The following PECAM1 variants were observed in gnomAD, a reference collection of about 807,000 sequenced individuals.
PECAM1 encodes platelet endothelial cell adhesion molecule.
PECAM1 carries 8 observed loss-of-function variants against 13.8 expected under a neutral mutation model. The observed-to-expected ratio is 0.58, with a 90% CI of 0.34 to 1.05. The LOEUF is 1.05. Ranked by LOEUF, PECAM1 falls within the 50% of genes least tolerant of loss-of-function variation. The pLI is 0.03. For missense variants in PECAM1, 304 were observed against 141.2 expected (o/e 2.15, Z -5.84); for synonymous variants, 136 against 52.6 (o/e 2.58, Z -6.86).
At chr17:64,353,647 T>G (rs1203972094) in intron 9 of PECAM1, 129 bp from the exon 10 acceptor site, 1 of 406,420 alleles carries the variant, frequency 2.5e-6, no homozygotes, top group Non-Finnish European at 4.5e-6. Flanking sequence ...TTCTTTTTGT[T>G]TTACTCCTAG....
intron 12 of PECAM1, 85 bp from the exon 13 acceptor site, chr17:64,348,407 C>CTTTTTTTTTT (rs869282884): frequency 3.6e-6 from 1 of 275,872 alleles, no homozygotes; most frequent in African/African-American, 2.7e-5. Flanking sequence ...ACTTTCTTTT[C>CTTTTTTTTTT]TTTTTTTTTT....
intron 2 of PECAM1, among the ~76,000 whole-genome samples, chr17:64,383,716 T>C (rs2036532693): frequency 6.6e-6 from 1 of 152,248 alleles, no homozygotes; most frequent in Non-Finnish European, 1.5e-5. Context: ...AAAAACAATT[T>C]TAAAGCAAAT....
In PECAM1 at chr17:64,363,380, C is replaced by T. The variant is rs200623026; in HGVS notation, c.985G>A (p.Glu329Lys). Residue 329 changes from glutamate to lysine, a missense_variant, in exon 6 of 16, where the codon GAA (glutamate) becomes AAA (lysine). By Grantham distance (56) the Glu-to-Lys change is moderately conservative (BLOSUM62 1). Transcript: ENST00000563924. ...AGATGTGTGAAGGAAGATTCCAGTT[C>T]GGGCTTGGAAAATAGTTCTGAAAAA... is the stretch of plus-strand genomic sequence containing the variant. Reference protein sequence around the residue: ...VNITELFSKPELESSFTHLDQ... With the variant: ...VNITELFSKPKLESSFTHLDQ... 3,014 of 475,294 alleles carry T rather than the reference C, an allele frequency of 6.3e-3. 64 individuals carry two copies. Among genetic ancestry groups the T allele is most frequent in the African/African-American group, 0.053 (2,686 of 50,592 alleles). 29.4% of individuals were successfully genotyped at this position (475,294 alleles called of 1,614,324 possible). A position where few individuals can be genotyped will look rare whatever the true frequency, so the allele number is the denominator to read the frequency against.
At chr17:64,347,090 C>T (rs2035586283) in intron 13 of PECAM1, among the ~76,000 whole-genome samples, 1 of 152,124 alleles carries the variant, frequency 6.6e-6, no homozygotes, top group Non-Finnish European at 1.5e-5. Context: ...TCAAAAATGG[C>T]CAGGTGTGGT....
At chr17:64,340,249 T>A (rs1466579420) in intron 14 of PECAM1, among the ~76,000 whole-genome samples, 1 of 152,176 alleles carries the variant, frequency 6.6e-6, no homozygotes, top group African/African-American at 2.4e-5. Context: ...AGAGACTAGT[T>A]TTGTGGGTCT....
At chr17:64,389,836 T>C (rs1406958980) in intron 2 of PECAM1, among the ~76,000 whole-genome samples, 2 of 152,010 alleles carry the variant, frequency 1.3e-5, no homozygotes, top group Admixed American at 6.6e-5. Flanking sequence ...TCACCTGAGG[T>C]CAGGAGTTTG....
chr17:64,320,891 G>A lies in PECAM1; in HGVS notation c.*2925C>T, dbSNP rs2034801396. The A allele has an allele frequency of 6.6e-6, 1 of 152,190 alleles. No individual in the cohort carries two copies. The highest frequency in any genetic ancestry group is 2.4e-5 in the African/African-American group (1 of 41,438). The allele number at this position is 152,190 out of a possible 1,614,324, so 9.4% of individuals were successfully genotyped here. ...GGTTCTGTGCCTGTAGGATGTTTAG[G>A]AGCATGCTTGGTTTCTACCCACCAG... On this transcript the variant is annotated 3_prime_UTR_variant, in exon 16 of 16. Transcript: ENST00000563924.
chr17:64,369,345 A>G (rs2036186549), intron 5 of PECAM1, among the ~76,000 whole-genome samples: 1 of 152,332 alleles, frequency 6.6e-6, no homozygotes, highest in Admixed American at 6.5e-5. Context: ...GAAATATAAC[A>G]GAGTAATGAA....
At chr17:64,387,417 A>G (rs1300504355) in intron 2 of PECAM1, among the ~76,000 whole-genome samples, 2 of 151,944 alleles carry the variant, frequency 1.3e-5, no homozygotes, top group Non-Finnish European at 1.5e-5. Context: ...ATAGGGGGAC[A>G]CCAGATAAAC....
intron 3 of PECAM1, 41 bp downstream of exon 3, chr17:64,377,783 A>G: frequency 2.1e-6 from 1 of 474,098 alleles, no homozygotes. Flanking sequence ...ACTGTGTGCT[A>G]TGCTCCATCT....
intron 14 of PECAM1, among the ~76,000 whole-genome samples, chr17:64,339,776 A>C (rs1046153335): frequency 2.0e-4 from 30 of 152,194 alleles, no homozygotes; most frequent in Non-Finnish European, 4.3e-4. Context: ...TAGATATACC[A>C]ACTTTTAAAA....
At chr17:64,357,931 T>G (rs1045654753) in intron 7 of PECAM1, among the ~76,000 whole-genome samples, 1,753 of 152,170 alleles carry the variant, frequency 0.012, 34 homozygotes, top group African/African-American at 0.04. Flanking sequence ...AGAACTCATT[T>G]GCATCCTGTC....
intron 5 of PECAM1, among the ~76,000 whole-genome samples, chr17:64,364,455 T>C (rs2036055700): frequency 1.3e-5 from 2 of 151,870 alleles, no homozygotes; most frequent in African/African-American, 4.8e-5. Flanking sequence ...AAAGAGGGAA[T>C]CCTCCCTCAG....
intron 2 of PECAM1, among the ~76,000 whole-genome samples, chr17:64,388,612 TC>T: frequency 6.6e-6 from 1 of 152,272 alleles, no homozygotes; most frequent in African/African-American, 2.4e-5. Context: ...GAGTGGAAGT[TC>T]CAGTCCCAGT....
rs1320938357 is a variant in PECAM1 at position 64,356,169 on chromosome 17, G to C, written c.1722C>G (p.Ala574=). ...KEQEGEYYCT[A]FNRANHASSV... is the part of the protein sequence containing the mutation. ...TGGAGGCGTGGTTGGCTCTGTTGAAGGCTGTGCAGTAATACTCTCCCTCCT... is the reference window on the plus strand; with the variant it reads ...TGGAGGCGTGGTTGGCTCTGTTGAACGCTGTGCAGTAATACTCTCCCTCCT... Residue 574 remains alanine, a synonymous_variant, in exon 8 of 16, where the codon GCC becomes GCG. Transcript: ENST00000563924. 9 of 475,004 alleles carry C rather than the reference G, an allele frequency of 1.9e-5. No homozygotes were observed. Among genetic ancestry groups the C allele is most frequent in the African/African-American group, 6.0e-5 (3 of 50,406 alleles). The allele number at this position is 475,004 out of a possible 1,614,324, so 29.4% of individuals were successfully genotyped here. A position where few individuals can be genotyped will look rare whatever the true frequency, so the allele number is the denominator to read the frequency against.
At chr17:64,356,429 C>A (rs1374248949) in intron 7 of PECAM1, 31 bp from the exon 8 acceptor site, 4 of 441,804 alleles carry the variant, frequency 9.1e-6, no homozygotes, top group Admixed American at 3.9e-5. Context: ...TCACACTGAG[C>A]AAAGAAGGGC....
At chr17:64,367,732 A>C (rs893917456) in intron 5 of PECAM1, among the ~76,000 whole-genome samples, 28 of 152,202 alleles carry the variant, frequency 1.8e-4, no homozygotes, top group Middle Eastern at 3.4e-3. Flanking sequence ...TTCATAGGTA[A>C]AACCGGGTCT....
At chr17:64,334,537 C>G (rs2035216893) in intron 14 of PECAM1, among the ~76,000 whole-genome samples, 1 of 151,840 alleles carries the variant, frequency 6.6e-6, no homozygotes, top group Admixed American at 6.6e-5. Flanking sequence ...GAGATGGAGT[C>G]TCACTCTGTC....
intron 15 of PECAM1, among the ~76,000 whole-genome samples, chr17:64,324,954 T>A (rs1351042566): frequency 6.6e-6 from 1 of 152,244 alleles, no homozygotes; most frequent in Non-Finnish European, 1.5e-5. Flanking sequence ...CTTTTGTTTC[T>A]TTACTTCTCT....
Sources: gnomAD v4.1 joint callset for allele counts (sites outside exome capture counted in the v4.1 genomes callset) on GRCh38, gnomAD v4.1.1 for gene constraint, MANE v1.5 for transcripts, NCBI Gene and HGNC (gene_info 2026-07-23, HGNC 2026-07-21) for gene names.